RYR3: variants seen among roughly 807,000 people sequenced by gnomAD.
The protein encoded by RYR3 is ryanodine receptor 3.
In RYR3, 207 loss-of-function variants were observed where a neutral mutation model predicts 584.3. That is an observed-to-expected ratio of 0.35 (90% confidence interval 0.32 to 0.40). The LOEUF (loss-of-function observed/expected upper bound fraction) is 0.40. Ranked by LOEUF, RYR3 falls within the 10% of genes least tolerant of loss-of-function variation. The pLI, the probability that RYR3 is intolerant of heterozygous loss-of-function variation, is 1.00. For synonymous variants in RYR3, 2,416 were observed against 2,248.5 expected (o/e 1.07, Z -2.11); for missense variants, 5,616 against 6,089.2 (o/e 0.92, Z 2.59).
chr15:33,597,465 A>T (rs985690922), intron 16 of RYR3, among the ~76,000 whole-genome samples: 8 of 151,886 alleles, frequency 5.3e-5, no homozygotes, highest in Non-Finnish European at 8.8e-5. Flanking sequence ...AAATACAAAA[A>T]ATTAGCTGGG....
intron 92 of RYR3, among the ~76,000 whole-genome samples, 153 bp downstream of exon 92, chr15:33,843,727 C>G (rs2078528820): frequency 6.6e-6 from 1 of 152,160 alleles, no homozygotes; most frequent in South Asian, 2.1e-4. Context: ...AAAAGGAATA[C>G]AATTTCTAGC....
chr15:33,796,124 G>GTTTTGT (rs71117180), intron 67 of RYR3, among the ~76,000 whole-genome samples: 35 of 151,260 alleles, frequency 2.3e-4, no homozygotes, highest in Admixed American at 4.6e-4. Flanking sequence ...GTTTTGTTTT[G>GTTTTGT]TTTTGTTTTT....
At chr15:33,742,263 A>T (rs915811496) in intron 51 of RYR3, 103 bp from the exon 52 acceptor site, 1 of 766,550 alleles carries the variant, frequency 1.3e-6, no homozygotes, top group Non-Finnish European at 2.3e-6. Context: ...TGGCTGATCA[A>T]ATCCACCTTC....
chr15:33,670,331 T>C (rs2063769707), intron 37 of RYR3, 88 bp from the exon 38 acceptor site: 1 of 1,361,318 alleles, frequency 7.3e-7, no homozygotes, highest in Non-Finnish European at 1.0e-6. Flanking sequence ...TCCAGAAGGA[T>C]GGGAAGCAGT....
At chr15:33,407,460 C>G (rs1028099508) in intron 1 of RYR3, among the ~76,000 whole-genome samples, 74 of 152,048 alleles carry the variant, frequency 4.9e-4, no homozygotes, top group African/African-American at 1.8e-3. Flanking sequence ...AGTCCATGTT[C>G]CTGTGGTGGG....
At chr15:33,762,462 A>G (rs2152870508) in intron 60 of RYR3, among the ~76,000 whole-genome samples, 1 of 152,322 alleles carries the variant, frequency 6.6e-6, no homozygotes, top group East Asian at 1.9e-4. Context: ...TACACCAATA[A>G]TAAACAAAAC....
intron 49 of RYR3, among the ~76,000 whole-genome samples, chr15:33,736,953 T>A (rs1362505112): frequency 6.6e-6 from 1 of 152,096 alleles, no homozygotes; most frequent in Non-Finnish European, 1.5e-5. Flanking sequence ...AGAGATGGGG[T>A]TTCACCATGT....
chr15:33,312,557 C>T (rs80155756), intron 1 of RYR3, among the ~76,000 whole-genome samples: 10,495 of 152,196 alleles, frequency 0.069, 430 homozygotes, highest in Middle Eastern at 0.13. Context: ...TGCCTGCTCC[C>T]CTCAAAGCTC....
chr15:33,842,112 G>A, intron 91 of RYR3, 77 bp downstream of exon 91: 1 of 1,469,392 alleles, frequency 6.8e-7, no homozygotes. Flanking sequence ...CCGCTGATTT[G>A]TTTCACTGTT....
chr15:33,788,359 C>T lies in RYR3; in HGVS notation c.9731C>T (p.Thr3244Ile), dbSNP rs2152913173. Residue 3244 changes from threonine (T) to isoleucine (I), a missense_variant, in exon 67 of 104, where the codon ACC becomes ATC. By Grantham distance (89) the Thr-to-Ile change is moderately conservative. Coordinates refer to ENST00000634891, the MANE Select transcript of RYR3 (RefSeq NM_001036.6). ...TTGAAAGCCGATGGCAAAGGGGACA[C>T]CCAGGAGGCAGAACTCCTCATCCTG... is the stretch of plus-strand genomic sequence containing the variant. ...EQLKADGKGD[T>I]QEAELLILDE... 6.2e-7 allele frequency: 1 copy of T among 1,613,936 alleles called. No homozygotes were observed. The highest frequency in any genetic ancestry group is 8.5e-7 in the Non-Finnish European group (1 of 1,179,864).
rs545882797 is a variant in RYR3, at chr15:33,648,670, G to C, written c.3979-402G>C. Among the ~76,000 whole-genome samples the C allele has an allele frequency of 2.9e-4, 44 of 152,296 alleles. No homozygotes were observed. In the East Asian group the frequency reaches 7.1e-3, roughly 25 times the overall value. ...GACCCTTGACCACTCTTTCTCTGAGGGCAGGGACTGTGCCCGCTCTCTCCT... is the reference window on the plus strand; with the variant it reads ...GACCCTTGACCACTCTTTCTCTGAGCGCAGGGACTGTGCCCGCTCTCTCCT... On this transcript the variant is annotated intron_variant, in intron 30 of 103. Coordinates refer to ENST00000634891, the MANE Select transcript of RYR3 (RefSeq NM_001036.6).
chr15:33,865,065 A>C, intron 103 of RYR3, 66 bp from the exon 104 acceptor site: 1 of 1,329,374 alleles, frequency 7.5e-7, no homozygotes, highest in South Asian at 1.2e-5. Context: ...CAAAGAACAA[A>C]AACAAACTGG....
chr15:33,823,585 G>C (rs73372044), intron 81 of RYR3, among the ~76,000 whole-genome samples: 2,641 of 152,232 alleles, frequency 0.017, 84 homozygotes, highest in African/African-American at 0.059. Context: ...GTACATCCTG[G>C]CATGGGAACA....
chr15:33,438,435 C>T (rs1208862045), intron 1 of RYR3, among the ~76,000 whole-genome samples: 29 of 152,152 alleles, frequency 1.9e-4, no homozygotes, highest in Admixed American at 1.8e-3. Flanking sequence ...TGCCTGGTGC[C>T]TGGCCTGTCT....
At chr15:33,487,463 C>CAGAT (rs1464601853) in intron 2 of RYR3, among the ~76,000 whole-genome samples, 4 of 152,128 alleles carry the variant, frequency 2.6e-5, no homozygotes, top group Non-Finnish European at 4.4e-5. Context: ...TGGCATGTAG[C>CAGAT]AGATAGATGC....
At chr15:33,492,953 A>G (rs1225504663) in intron 2 of RYR3, among the ~76,000 whole-genome samples, 2 of 152,120 alleles carry the variant, frequency 1.3e-5, no homozygotes, top group Non-Finnish European at 2.9e-5. Context: ...CAGCCTCTCC[A>G]TGGTTTGTAA....
chr15:33,404,241 T>A (rs377564431), intron 1 of RYR3, among the ~76,000 whole-genome samples: 1 of 152,218 alleles, frequency 6.6e-6, no homozygotes, highest in East Asian at 1.9e-4. Context: ...CTTGGTGATG[T>A]TTAGAGGGAG....
chr15:33,628,103 C>T (rs1566817064), intron 20 of RYR3, among the ~76,000 whole-genome samples: 1 of 152,166 alleles, frequency 6.6e-6, no homozygotes, highest in Non-Finnish European at 1.5e-5. Flanking sequence ...GCAGCTGGAA[C>T]CATGAGTCTA....
intron 67 of RYR3, among the ~76,000 whole-genome samples, chr15:33,792,882 G>A (rs1339116187): frequency 6.6e-6 from 1 of 152,054 alleles, no homozygotes; most frequent in African/African-American, 2.4e-5. Flanking sequence ...ACACCAATTG[G>A]GTATCCAACA....
Sources: gnomAD v4.1 joint callset for allele counts (sites outside exome capture counted in the v4.1 genomes callset) on GRCh38, gnomAD v4.1.1 for gene constraint, MANE v1.5 for transcripts, NCBI Gene and HGNC (gene_info 2026-07-23, HGNC 2026-07-21) for gene names.